MGAM: variants seen among roughly 807,000 people sequenced by gnomAD.
MGAM encodes the protein maltase-glucoamylase.
In MGAM, 253 loss-of-function variants were observed where a neutral mutation model predicts 358.8. The ratio of observed to expected loss-of-function variants is 0.71; its 90% confidence interval spans 0.64 to 0.78. The LOEUF (loss-of-function observed/expected upper bound fraction) is 0.78, where lower values mean the gene tolerates loss of function less well. Among genes scored for constraint, MGAM ranks in the 30% least tolerant of loss-of-function variants. The pLI, the probability that MGAM is intolerant of heterozygous loss-of-function variation, is 0.00. For synonymous variants in MGAM, 1,105 were observed against 1,227.1 expected (o/e 0.90, Z 2.08); for missense variants, 3,080 against 3,432.6 (o/e 0.90, Z 2.57).
At chr7:142,091,053 C>T (rs1815336977) in intron 57 of MGAM, among the ~76,000 whole-genome samples, 1 of 145,126 alleles carries the variant, frequency 6.9e-6, no homozygotes, top group African/African-American at 2.4e-5. Context: ...TTGAGACCAG[C>T]CTGAACAACA....
chr7:141,997,642 T>C (rs1307848134), intron 1 of MGAM, among the ~76,000 whole-genome samples: 1 of 152,110 alleles, frequency 6.6e-6, no homozygotes, highest in East Asian at 1.9e-4. Context: ...GAGTTAGCTG[T>C]CTCCTAGAGA....
upstream of MGAM, among the ~76,000 whole-genome samples, chr7:141,991,668 C>G (rs1417450280): frequency 7.9e-5 from 12 of 152,114 alleles, no homozygotes; most frequent in African/African-American, 2.4e-4. Context: ...AACTCCTGAC[C>G]TCATGATCCG....
chr7:142,041,983 ATAT>A (rs1808764489), intron 21 of MGAM, among the ~76,000 whole-genome samples: 3 of 8,432 alleles, frequency 3.6e-4, no homozygotes, highest in Admixed American at 2.5e-3. Context: ...TATATATATA[ATAT>A]AATATATATA....
chr7:141,995,287 G>A (rs1170346984), upstream of MGAM, among the ~76,000 whole-genome samples: 1 of 151,754 alleles, frequency 6.6e-6, no homozygotes, highest in Non-Finnish European at 1.5e-5. Flanking sequence ...TTTAGCCTGG[G>A]AGGTTAGAAG....
Position 142,099,677 on chromosome 7 carries a change from T to C in MGAM, c.7814T>C (p.Leu2605Pro), listed in dbSNP as rs778292072. Residue 2605 changes from leucine to proline, a missense_variant, in exon 67 of 71, where the codon CTT becomes CCT. Transcript: ENST00000475668. ...TLPAPLDHINLHVRGGYILPW... is the reference protein window; with the variant it reads ...TLPAPLDHINPHVRGGYILPW... ...CCAGCCCCTCTTGACCACATTAATC[T>C]TCATGTCCGTGGGGGCTACATCCTG... The C allele has an allele frequency of 2.5e-6, 4 of 1,613,970 alleles. No homozygotes were observed. The South Asian group carries it at 4.4e-5, about 18-fold the overall frequency.
At chr7:142,065,201 A>G in intron 37 of MGAM, 134 bp from the exon 38 acceptor site, 1 of 1,240,596 alleles carries the variant, frequency 8.1e-7, no homozygotes, top group Non-Finnish European at 1.1e-6. Context: ...AACTCCTATT[A>G]CAGCTCAGAG....
intron 57 of MGAM, among the ~76,000 whole-genome samples, chr7:142,088,175 C>T (rs1335502438): frequency 6.8e-6 from 1 of 146,178 alleles, no homozygotes; most frequent in Non-Finnish European, 1.5e-5. Context: ...CAGTCTCTGG[C>T]CTCCTGGATC....
chr7:142,077,590 A>T (rs1347547612), intron 47 of MGAM, among the ~76,000 whole-genome samples: 1 of 145,396 alleles, frequency 6.9e-6, no homozygotes, highest in African/African-American at 2.4e-5. Context: ...AGAAAAATAA[A>T]GATGCTGGGA....
In MGAM at chr7:142,036,229, A is replaced by G; in HGVS notation, c.2020A>G (p.Met674Val). The G allele has an allele frequency of 1.2e-6, 2 of 1,612,340 alleles. No homozygotes were observed. Among genetic ancestry groups the G allele is most frequent in the Non-Finnish European group, 1.7e-6 (2 of 1,179,288 alleles). The part of the protein sequence containing the change: ...DTPEELCRRW[M>V]QLGAFYPFSR... ...CCCTGAGGAGCTCTGTAGGCGGTGG[A>G]TGCAGTTGGGTGCATTTTATCCGTT... The change falls in exon 17 of 71, where the codon ATG becomes GTG. Residue 674 changes from methionine to valine, a missense_variant. Around this residue, in one of 5 missense-constraint regions of MGAM, gnomAD observed 1,816 missense variants for 1,840.5 expected, o/e 0.99. Transcript: ENST00000475668.
At position 142,044,297 on chromosome 7, in the gene MGAM, A is replaced by G. The variant is rs1205315803; in HGVS notation, c.2498+3451A>G. On this transcript the variant is annotated intron_variant, in intron 21 of 70. Coordinates refer to ENST00000475668, the MANE Select transcript of MGAM (RefSeq NM_001365693.1). ...TATATACACATACGACATATAATAT[A>G]TACTATATATAATATACACATACGA... 4.2e-5 allele frequency among the ~76,000 whole-genome samples: 4 copies of G among 96,080 alleles called. 2 individuals are homozygous for G. The East Asian group carries it at 1.1e-3, about 27-fold the overall frequency. 63.0% of individuals were successfully genotyped at this position (96,080 alleles called of 152,430 possible).
At chr7:142,027,367 C>A in intron 9 of MGAM, 140 bp downstream of exon 9, 1 of 791,120 alleles carries the variant, frequency 1.3e-6, no homozygotes, top group Non-Finnish European at 2.0e-6. Context: ...TTCATATATG[C>A]AATGGAAACT....
chr7:142,021,452 A>G (rs1463894790), intron 5 of MGAM, 134 bp from the exon 6 acceptor site: 4 of 877,566 alleles, frequency 4.6e-6, no homozygotes, highest in East Asian at 5.3e-5. Flanking sequence ...TGAGTTTGGT[A>G]ACATAATGAG....
At chr7:142,078,544 G>T in intron 48 of MGAM, 74 bp downstream of exon 48, 1 of 1,350,176 alleles carries the variant, frequency 7.4e-7, no homozygotes, top group Non-Finnish European at 1.0e-6. Flanking sequence ...CATAGCAGTG[G>T]CACTTATATA....
chr7:142,058,788 T>G (rs1029174161), intron 31 of MGAM, among the ~76,000 whole-genome samples: 7 of 152,244 alleles, frequency 4.6e-5, no homozygotes, highest in Non-Finnish European at 8.8e-5. Context: ...AAACAGATCC[T>G]GGGATGGGTT....
Position 142,086,218 on chromosome 7 carries a change from G to A in MGAM, c.6637G>A (p.Asp2213Asn). 1.3e-6 allele frequency: 2 copies of A among 1,531,300 alleles called. 1 individual carries two copies. The highest frequency in any genetic ancestry group is 1.8e-6 in the Non-Finnish European group (2 of 1,118,748). The allele number at this position is 1,531,300 out of a possible 1,614,324, so 94.9% of individuals were successfully genotyped here. A position where few individuals can be genotyped will look rare whatever the true frequency, so the allele number is the denominator to read the frequency against. Residue 2213 changes from aspartate (D) to asparagine (N), a missense_variant and splice_region_variant, in exon 56 of 71, where the codon GAT becomes AAT. This residue lies in a region of MGAM where 932 missense variants were observed against 1,198.2 expected (regional missense o/e 0.78). Transcript: ENST00000475668. ...ADGMRVILIL[D>N]PAISGNETQP... is the part of the protein sequence containing the mutation. ...CAACTGACTTATGCTTTGATTTCAG[G>A]ATCCAGCCATTTCTGGCAATGAGAC...
chr7:142,050,663 C>T (rs1302879864), intron 23 of MGAM, 34 bp from the exon 24 acceptor site: 3 of 1,590,868 alleles, frequency 1.9e-6, no homozygotes, highest in South Asian at 1.1e-5. Context: ...TACTCATATA[C>T]CTTTATGCAT....
rs1813801876 is a variant in MGAM, at chr7:142,076,958, G to A, written c.5493+132G>A. On this transcript the variant is annotated intron_variant, in intron 47 of 70. Transcript: ENST00000475668. ...ATGCATGTTTTGGGGAATTGAGAGG[G>A]CACCTTTGATGCCTTTTTTGGGGAA... 2 of 1,066,440 alleles carry A rather than the reference G, an allele frequency of 1.9e-6. 1 individual carries two copies. Among genetic ancestry groups the A allele is most frequent in the Non-Finnish European group, 2.8e-6 (2 of 726,256 alleles). The allele number at this position is 1,066,440 out of a possible 1,614,324, so 66.1% of individuals were successfully genotyped here.
intron 49 of MGAM, 98 bp from the exon 50 acceptor site, chr7:142,080,693 T>C (rs1256859159): frequency 4.6e-6 from 5 of 1,080,668 alleles, no homozygotes; most frequent in Non-Finnish European, 6.6e-6. Flanking sequence ...GACAGAAACA[T>C]AGCATCTGAA....
chr7:142,005,522 A>G lies in MGAM; in HGVS notation c.-2-7A>G, dbSNP rs1554452039. 9 of 1,517,626 alleles carry G rather than the reference A, an allele frequency of 5.9e-6. No homozygotes were observed. In the Admixed American group the frequency reaches 2.2e-4, roughly 37 times the overall value. The allele number at this position is 1,517,626 out of a possible 1,614,324, so 94.0% of individuals were successfully genotyped here. A position where few individuals can be genotyped will look rare whatever the true frequency, so the allele number is the denominator to read the frequency against. On this transcript the variant is annotated splice_polypyrimidine_tract_variant and splice_region_variant and intron_variant, in intron 1 of 70. Transcript: ENST00000475668. The stretch of plus-strand genomic sequence containing the variant: ...CAAATCTAAAATTGTTTTCTCTTAC[A>G]TTTTAGAGATGGCAAGAAAGAAGCT...
Sources: gnomAD v4.1 joint callset for allele counts (sites outside exome capture counted in the v4.1 genomes callset) on GRCh38, gnomAD v4.1.1 for gene constraint, gnomAD v4.1.1 regional missense constraint, MANE v1.5 for transcripts, NCBI Gene and HGNC (gene_info 2026-07-23, HGNC 2026-07-21) for gene names.